The following PTPRK variants were observed in gnomAD, a reference collection of about 807,000 sequenced individuals.
The protein encoded by PTPRK is protein tyrosine phosphatase receptor type K, also known as receptor-type tyrosine-protein phosphatase kappa.
A neutral mutation model predicts 178.0 loss-of-function variants in PTPRK; 75 were observed. That is an observed-to-expected ratio of 0.42 (90% CI 0.35 to 0.51). The LOEUF (loss-of-function observed/expected upper bound fraction) is 0.51. PTPRK is among the 20% of genes least tolerant of loss of function. The pLI, the probability that PTPRK is intolerant of heterozygous loss-of-function variation, is 0.02. For missense variants in PTPRK, 1,441 were observed against 1,797.8 expected (o/e 0.80, Z 3.59); for synonymous variants, 637 against 620.6 (o/e 1.03, Z -0.39).
chr6:128,399,043 G>C (rs1037591605), intron 1 of PTPRK, among the ~76,000 whole-genome samples: 1 of 152,186 alleles, frequency 6.6e-6, no homozygotes, highest in African/African-American at 2.4e-5. Flanking sequence ...AAATCCAGCA[G>C]TGGGTTTAAT....
Position 128,518,109 on chromosome 6 carries a change from T to C in PTPRK, c.100+2150A>G, listed in dbSNP as rs376205496. ...AAATCCACAATCTGACTTTAAACTC[T>C]GGGAATAAAAGACATTCATTTCTGG... On this transcript the variant is annotated intron_variant, in intron 1 of 29. Transcript: ENST00000368226. Among the ~76,000 whole-genome samples the C allele has an allele frequency of 3.3e-5, 5 of 152,226 alleles. No individual in the cohort carries two copies. In the East Asian group the frequency reaches 7.7e-4, roughly 23 times the overall value.
At chr6:128,379,984 G>C (rs1389132567) in intron 2 of PTPRK, among the ~76,000 whole-genome samples, 8 of 152,100 alleles carry the variant, frequency 5.3e-5, no homozygotes, top group Admixed American at 5.2e-4. Context: ...AAAACACAAT[G>C]CTCAAAGTAA....
chr6:127,982,375 C>T (rs923051170), intron 24 of PTPRK, among the ~76,000 whole-genome samples: 1 of 152,162 alleles, frequency 6.6e-6, no homozygotes, highest in African/African-American at 2.4e-5. Flanking sequence ...CAGGTTCACG[C>T]CATTCTCCTG....
chr6:127,985,002 C>G (rs543739155), intron 22 of PTPRK, among the ~76,000 whole-genome samples: 1 of 152,178 alleles, frequency 6.6e-6, no homozygotes, highest in East Asian at 1.9e-4. Flanking sequence ...TTAGGTACAA[C>G]CTATTATGTA....
chr6:128,387,530 T>C (rs1054972899), intron 2 of PTPRK, among the ~76,000 whole-genome samples: 9 of 152,236 alleles, frequency 5.9e-5, no homozygotes, highest in African/African-American at 2.2e-4. Flanking sequence ...ATGTTTCCCT[T>C]ATTCCTATAA....
At chr6:128,504,264 T>C (rs1855987358) in intron 1 of PTPRK, among the ~76,000 whole-genome samples, 1 of 152,148 alleles carries the variant, frequency 6.6e-6, no homozygotes, top group Non-Finnish European at 1.5e-5. Flanking sequence ...TCCCCTGCCC[T>C]TTACTTGACT....
intron 6 of PTPRK, among the ~76,000 whole-genome samples, chr6:128,216,963 T>C (rs1809424334): frequency 6.6e-6 from 1 of 152,198 alleles, no homozygotes. Context: ...TCAAAAGCAT[T>C]CTAGGTACAC....
At chr6:128,296,200 G>T (rs1317160390) in intron 3 of PTPRK, among the ~76,000 whole-genome samples, 1 of 151,946 alleles carries the variant, frequency 6.6e-6, no homozygotes, top group African/African-American at 2.4e-5. Context: ...CCATGGACAG[G>T]CATGCTTCCA....
chr6:128,086,240 T>C (rs969389471), intron 8 of PTPRK, among the ~76,000 whole-genome samples: 1 of 152,144 alleles, frequency 6.6e-6, no homozygotes, highest in Non-Finnish European at 1.5e-5. Flanking sequence ...TGGGGCAAGA[T>C]TATATTAGAT....
intron 2 of PTPRK, among the ~76,000 whole-genome samples, chr6:128,387,641 C>T (rs1308304144): frequency 1.3e-5 from 2 of 151,994 alleles, no homozygotes; most frequent in Non-Finnish European, 1.5e-5. Flanking sequence ...TTGACTCTTT[C>T]TTCGTTTTGG....
In PTPRK at chr6:128,231,021, A is replaced by T. The variant is rs369943265; in HGVS notation, c.693+9014T>A. On this transcript the variant is annotated intron_variant, in intron 5 of 29. Transcript: ENST00000368226. ...TGCAAGGCATTGATCTCTTTACGGT[A>T]GGAAGCCACATAAAATCAACCAAAA... Among the ~76,000 whole-genome samples the T allele has an allele frequency of 2.1e-4, 32 of 152,372 alleles. 1 individual carries two copies. Among genetic ancestry groups the T allele is most frequent in the East Asian group, 1.5e-3 (8 of 5,190 alleles).
chr6:128,481,265 G>A lies in PTPRK; in HGVS notation c.100+38994C>T, dbSNP rs372445604. ...CATGAAATATGTGGCCAATTATTTA[G>A]GTTCAACTGTTAACTGGCCACTTCC... On this transcript the variant is annotated intron_variant, in intron 1 of 29. Coordinates refer to ENST00000368226, the MANE Select transcript of PTPRK (RefSeq NM_002844.4). 6.6e-5 allele frequency among the ~76,000 whole-genome samples: 10 copies of A among 152,062 alleles called. No individual in the cohort carries two copies. The South Asian group carries it at 2.1e-3, about 32-fold the overall frequency.
At chr6:128,154,010 C>T (rs978700005) in intron 7 of PTPRK, among the ~76,000 whole-genome samples, 1 of 151,680 alleles carries the variant, frequency 6.6e-6, no homozygotes, top group African/African-American at 2.4e-5. Flanking sequence ...AATTCAGAAG[C>T]ATGTATTCTT....
At chr6:128,018,160 T>C (rs1779827304) in intron 13 of PTPRK, among the ~76,000 whole-genome samples, 1 of 151,980 alleles carries the variant, frequency 6.6e-6, no homozygotes, top group African/African-American at 2.4e-5. Context: ...TATAATCTCA[T>C]TCATGTCTTT....
chr6:127,992,575 T>C, intron 19 of PTPRK, 98 bp downstream of exon 19: 1 of 1,004,672 alleles, frequency 1.0e-6, no homozygotes, highest in Admixed American at 2.7e-5. Context: ...GCTGATTTTT[T>C]TGTTACTAAG....
At chr6:128,462,377 T>G (rs1849172503) in intron 1 of PTPRK, among the ~76,000 whole-genome samples, 1 of 152,080 alleles carries the variant, frequency 6.6e-6, no homozygotes, top group Non-Finnish European at 1.5e-5. Flanking sequence ...AGCCAAAATA[T>G]TATCTTCAAT....
intron 7 of PTPRK, among the ~76,000 whole-genome samples, chr6:128,159,453 T>C (rs760958237): frequency 2.6e-5 from 4 of 151,876 alleles, no homozygotes; most frequent in African/African-American, 9.7e-5. Context: ...CTAACTGCTG[T>C]ATTTCTGCAT....
chr6:128,478,680 C>T (rs1266543704), intron 1 of PTPRK, among the ~76,000 whole-genome samples: 1 of 151,984 alleles, frequency 6.6e-6, no homozygotes, highest in Non-Finnish European at 1.5e-5. Context: ...TGCTATTCAG[C>T]AGAACATTTT....
intron 3 of PTPRK, among the ~76,000 whole-genome samples, chr6:128,254,401 C>A (rs553028300): frequency 6.6e-6 from 1 of 152,000 alleles, no homozygotes; most frequent in Non-Finnish European, 1.5e-5. Flanking sequence ...ACAAACAATA[C>A]GTTTGACAGT....
Sources: allele counts gnomAD v4.1 joint callset (sites outside exome capture counted in the v4.1 genomes callset), GRCh38; gene constraint gnomAD v4.1.1; transcripts MANE v1.5; gene names NCBI Gene and HGNC (gene_info 2026-07-23, HGNC 2026-07-21).